The following POF1B variants were observed in gnomAD, a reference collection of about 807,000 sequenced individuals.
POF1B encodes POF1B actin binding protein.
A neutral mutation model predicts 55.3 loss-of-function variants in POF1B; 53 were observed. The observed-to-expected ratio is 0.96, with a 90% CI of 0.77 to 1.20. The LOEUF is 1.20. Ranked by LOEUF, POF1B falls within the 50% of genes most tolerant of loss-of-function variation. The pLI is 0.00. For missense variants in POF1B, 478 were observed against 420.5 expected (o/e 1.14, Z -1.20); for synonymous variants, 188 against 148.3 (o/e 1.27, Z -1.95).
intron 6 of POF1B, among the ~76,000 whole-genome samples, chrX:85,336,352 C>A (rs1266898410): frequency 9.0e-6 from 1 of 110,671 alleles, no homozygotes; most frequent in African/African-American, 3.3e-5. Context: ...CATATGGTAG[C>A]TCTATTTTTA....
chrX:85,342,077 C>T (rs1029180713), intron 6 of POF1B, among the ~76,000 whole-genome samples: 1 of 111,271 alleles, frequency 9.0e-6, no homozygotes, highest in Non-Finnish European at 1.9e-5. Context: ...TCCCTGTCAT[C>T]AACAGGTGTA....
intron 3 of POF1B, 36 bp downstream of exon 3, chrX:85,367,656 A>T: frequency 9.7e-7 from 1 of 1,032,347 alleles, no homozygotes; most frequent in Non-Finnish European, 1.4e-6. Context: ...TATAAAAAAG[A>T]GGAACAAATC....
chrX:85,284,376 G>A (rs762569076), intron 15 of POF1B, among the ~76,000 whole-genome samples: 7 of 111,565 alleles, frequency 6.3e-5, no homozygotes, highest in East Asian at 2.8e-4. Flanking sequence ...GAAAAAAGCC[G>A]GAGGCATCAC....
intron 15 of POF1B, among the ~76,000 whole-genome samples, chrX:85,300,625 T>C (rs925071383): frequency 1.8e-5 from 2 of 111,963 alleles, no homozygotes; most frequent in African/African-American, 6.5e-5. Flanking sequence ...TTATTTTCAA[T>C]GTCACGTTTT....
intron 13 of POF1B, among the ~76,000 whole-genome samples, chrX:85,304,947 G>A (rs1331364031): frequency 9.0e-6 from 1 of 111,079 alleles, no homozygotes; most frequent in Admixed American, 9.6e-5. Flanking sequence ...AAATGACACA[G>A]TCACGCAGTA....
intron 2 of POF1B, among the ~76,000 whole-genome samples, chrX:85,368,284 A>C (rs1301076268): frequency 9.0e-6 from 1 of 111,157 alleles, no homozygotes; most frequent in African/African-American, 3.3e-5. Flanking sequence ...AAATGATGTA[A>C]AATTTAATAA....
chrX:85,297,669 A>G (rs1358918036), intron 15 of POF1B, among the ~76,000 whole-genome samples: 5 of 105,345 alleles, frequency 4.7e-5, no homozygotes, highest in Non-Finnish European at 9.9e-5. Context: ...TTGCAGTGGT[A>G]CTCTGTGGGG....
intron 9 of POF1B, among the ~76,000 whole-genome samples, chrX:85,308,922 C>A (rs973575087): frequency 1.8e-5 from 2 of 111,256 alleles, no homozygotes; most frequent in Admixed American, 9.6e-5. Context: ...AAGTGATCCA[C>A]CAGCCTTGGC....
chrX:85,341,775 T>G (rs905454743), intron 6 of POF1B, among the ~76,000 whole-genome samples: 2 of 110,868 alleles, frequency 1.8e-5, no homozygotes, highest in Non-Finnish European at 3.8e-5. Context: ...AAATAAACAT[T>G]ATAGTGAGCT....
chrX:85,351,996 A>G (rs780422511), intron 4 of POF1B, among the ~76,000 whole-genome samples: 119 of 111,065 alleles, frequency 1.1e-3, no homozygotes, highest in Non-Finnish European at 2.0e-3. Context: ...TCTCAGAACA[A>G]CATACGTTTT....
At chrX:85,372,912 G>C (rs1933857124) in intron 2 of POF1B, among the ~76,000 whole-genome samples, 1 of 108,067 alleles carries the variant, frequency 9.3e-6, no homozygotes. Flanking sequence ...AAATGCTTTT[G>C]AGTAGCTCAG....
intron 15 of POF1B, among the ~76,000 whole-genome samples, chrX:85,300,331 C>T (rs1260126517): frequency 3.6e-5 from 4 of 111,568 alleles, no homozygotes; most frequent in African/African-American, 1.3e-4. Context: ...AAATTGCCTA[C>T]CAGAACATTG....
intron 7 of POF1B, among the ~76,000 whole-genome samples, chrX:85,326,421 G>T (rs946425001): frequency 9.1e-6 from 1 of 110,396 alleles, no homozygotes; most frequent in Non-Finnish European, 1.9e-5. Context: ...TACTGCTGGG[G>T]GGTGGGGGCG....
Position 85,305,836 on chromosome X carries a change from T to C in POF1B, c.1392A>G (p.Val464=), listed in dbSNP as rs1372521891. The change falls in exon 13 of 17, where the codon GTA becomes GTG. Residue 464 remains valine (V), a synonymous_variant. Coordinates refer to ENST00000262753, the MANE Select transcript of POF1B (RefSeq NM_024921.4). ...TATCTTTCTCCATTCTCAAGTTTTT[T>C]ACCATCTCCGTGTAGTGGTTGCCAA... ...DEIGNHYTEM[V]KNLRMEKDRE... 2.5e-6 allele frequency: 3 copies of C among 1,210,013 alleles called. No homozygotes were observed. The highest frequency in any genetic ancestry group is 4.4e-5 in the Admixed American group (2 of 45,851).
In POF1B at chrX:85,341,821, A is replaced by G. The variant is rs79989276; in HGVS notation, c.723+4039T>C. 4.5e-5 allele frequency among the ~76,000 whole-genome samples: 5 copies of G among 111,030 alleles called. No individual in the cohort carries two copies. The East Asian group carries it at 1.4e-3, about 32-fold the overall frequency. On this transcript the variant is annotated intron_variant, in intron 6 of 16. Transcript: ENST00000262753. ...CTGCCAGAAAAAGCACCTGACACTA[A>G]GATCTGATGTTTTCTGTCAATTCAT...
chrX:85,368,858 A>G (rs1933773913), intron 2 of POF1B, among the ~76,000 whole-genome samples: 1 of 111,788 alleles, frequency 8.9e-6, no homozygotes, highest in Non-Finnish European at 1.9e-5. Context: ...ACCATAATTT[A>G]CAATCAATTG....
rs1326106395 is a variant in POF1B, at chrX:85,299,199, T to C, written c.1649+4207A>G. Among the ~76,000 whole-genome samples, 4 of 103,241 alleles carry C rather than the reference T, an allele frequency of 3.9e-5. No individual in the cohort carries two copies. The Admixed American group carries it at 4.1e-4, about 11-fold the overall frequency. 89.7% of individuals were successfully genotyped at this position (103,241 alleles called of 115,157 possible). ...AAACAATCTTTTTTTTTCTTTTTTT[T>C]TTTTTTTTTTGAGACGGAGTCTTGC... On this transcript the variant is annotated intron_variant, in intron 15 of 16. Coordinates refer to ENST00000262753, the MANE Select transcript of POF1B (RefSeq NM_024921.4).
intron 7 of POF1B, among the ~76,000 whole-genome samples, chrX:85,318,475 G>T (rs1932806890): frequency 9.0e-6 from 1 of 111,592 alleles, no homozygotes; most frequent in Admixed American, 9.5e-5. Context: ...TATTTCCTAG[G>T]TTATCTTCTA....
At chrX:85,343,031 G>T in intron 6 of POF1B, among the ~76,000 whole-genome samples, 1 of 66,362 alleles carries the variant, frequency 1.5e-5, no homozygotes, top group Admixed American at 2.3e-4. Context: ...ATAAAATATT[G>T]AAAAAGCTGG....
Sources: gnomAD v4.1 joint callset for allele counts (sites outside exome capture counted in the v4.1 genomes callset) on GRCh38, gnomAD v4.1.1 for gene constraint, MANE v1.5 for transcripts, NCBI Gene and HGNC (gene_info 2026-07-23, HGNC 2026-07-21) for gene names.